The following NBAS variants were observed in gnomAD, a reference collection of about 807,000 sequenced individuals.
The protein encoded by NBAS is NBAS subunit of NRZ tethering complex, also known as NAG/BC035112 fusion.
A neutral mutation model predicts 302.5 loss-of-function variants in NBAS; 219 were observed. The observed-to-expected ratio is 0.72, with a 90% CI of 0.65 to 0.81. The LOEUF is 0.81. Among genes scored for constraint, NBAS ranks in the 30% least tolerant of loss-of-function variants. The pLI, the probability that NBAS is intolerant of heterozygous loss-of-function variation, is 0.00. For synonymous variants in NBAS, 1,118 were observed against 1,021.6 expected (o/e 1.09, Z -1.80); for missense variants, 2,932 against 2,841.6 (o/e 1.03, Z -0.72).
intron 51 of NBAS, chr2:15,177,996 T>C: frequency 5.7e-6 from 2 of 349,236 alleles, no homozygotes; most frequent in East Asian, 7.4e-5. Flanking sequence ...AATACAATTA[T>C]ATTCTGCTTT....
chr2:15,460,626 C>T (rs1210833515), intron 21 of NBAS, among the ~76,000 whole-genome samples: 2 of 152,232 alleles, frequency 1.3e-5, no homozygotes, highest in Non-Finnish European at 2.9e-5. Flanking sequence ...TGGAAGACTA[C>T]CAGGTGGTAA....
chr2:15,263,924 G>A (rs1668959755), intron 44 of NBAS, among the ~76,000 whole-genome samples: 1 of 152,224 alleles, frequency 6.6e-6, no homozygotes, highest in African/African-American at 2.4e-5. Flanking sequence ...TGAAGCAGTA[G>A]GCACTAGCAG....
At chr2:15,413,977 T>G (rs926688114) in intron 25 of NBAS, among the ~76,000 whole-genome samples, 3 of 152,148 alleles carry the variant, frequency 2.0e-5, no homozygotes, top group African/African-American at 7.2e-5. Flanking sequence ...TTTACGGAAG[T>G]ATAACACACA....
intron 21 of NBAS, among the ~76,000 whole-genome samples, chr2:15,452,732 C>A (rs1679081689): frequency 6.6e-6 from 1 of 152,098 alleles, no homozygotes; most frequent in African/African-American, 2.4e-5. Context: ...TAGAAGAACA[C>A]AACTAGAATT....
At chr2:15,209,194 C>T (rs1175029884) in intron 48 of NBAS, among the ~76,000 whole-genome samples, 4 of 152,080 alleles carry the variant, frequency 2.6e-5, no homozygotes, top group African/African-American at 9.7e-5. Flanking sequence ...GTTGGAAAAT[C>T]TAGAGGAAAT....
At chr2:15,512,573 C>T (rs944866634) in intron 9 of NBAS, among the ~76,000 whole-genome samples, 14 of 151,982 alleles carry the variant, frequency 9.2e-5, no homozygotes, top group Non-Finnish European at 1.6e-4. Context: ...CAGGTGGCCC[C>T]GAAGTAATCA....
At chr2:15,213,948 T>C (rs891081138) in intron 48 of NBAS, among the ~76,000 whole-genome samples, 1 of 152,204 alleles carries the variant, frequency 6.6e-6, no homozygotes, top group Non-Finnish European at 1.5e-5. Flanking sequence ...AAACATGCTG[T>C]GACATGAGAA....
the NBAS span, among the ~76,000 whole-genome samples, chr2:14,896,753 C>G: frequency 1.0e-3 from 154 of 152,250 alleles, no homozygotes; most frequent in African/African-American, 3.5e-3. Flanking sequence ...GTCTGCAGGC[C>G]ATTGCAAAGA....
At chr2:14,963,517 A>C in the NBAS span, among the ~76,000 whole-genome samples, 5 of 152,164 alleles carry the variant, frequency 3.3e-5, no homozygotes, top group African/African-American at 1.2e-4. Flanking sequence ...TTCTTTCAAC[A>C]AAAAGGAAAG....
the NBAS span, among the ~76,000 whole-genome samples, chr2:14,844,502 T>C: frequency 6.6e-6 from 1 of 152,284 alleles, no homozygotes; most frequent in East Asian, 1.9e-4. Context: ...GAGATATCCT[T>C]GTATGTGAGA....
chr2:15,433,343 A>G (rs931424867), intron 21 of NBAS, among the ~76,000 whole-genome samples: 1 of 152,216 alleles, frequency 6.6e-6, no homozygotes, highest in Non-Finnish European at 1.5e-5. Context: ...AAATCAGATT[A>G]GTTAGTACAT....
At chr2:15,561,080 A>G in intron 1 of NBAS, 108 bp downstream of exon 1, 1 of 839,764 alleles carries the variant, frequency 1.2e-6, no homozygotes, top group Non-Finnish European at 1.9e-6. Context: ...AACCGGCCCT[A>G]GTCCCCCACC....
At chr2:15,159,308 CT>C in the NBAS span, among the ~76,000 whole-genome samples, 1 of 152,168 alleles carries the variant, frequency 6.6e-6, no homozygotes. Context: ...AATGTTACCC[CT>C]GGGAGAGCTT....
At chr2:15,189,667 G>A (rs1363100360) in intron 49 of NBAS, among the ~76,000 whole-genome samples, 3 of 152,112 alleles carry the variant, frequency 2.0e-5, no homozygotes, top group Non-Finnish European at 4.4e-5. Context: ...ACGCAGCTAC[G>A]GGTGGCAGCT....
intron 11 of NBAS, among the ~76,000 whole-genome samples, chr2:15,498,681 T>C (rs1405516229): frequency 6.6e-6 from 1 of 152,170 alleles, no homozygotes; most frequent in East Asian, 1.9e-4. Flanking sequence ...TTCCCTTTGC[T>C]GTTCTCATGA....
the NBAS span, among the ~76,000 whole-genome samples, chr2:14,931,139 G>A: frequency 6.6e-6 from 1 of 152,210 alleles, no homozygotes; most frequent in African/African-American, 2.4e-5. Flanking sequence ...ACCAGATTTT[G>A]AGCATTGATA....
At chr2:15,353,149 A>G (rs1673448158) in intron 34 of NBAS, among the ~76,000 whole-genome samples, 7 of 152,134 alleles carry the variant, frequency 4.6e-5, no homozygotes, top group Admixed American at 4.6e-4. Flanking sequence ...CATCCCCCCC[A>G]ACCAAAGCCC....
chr2:15,426,510 T>A (rs1677485602), intron 22 of NBAS, among the ~76,000 whole-genome samples: 1 of 152,198 alleles, frequency 6.6e-6, no homozygotes, highest in African/African-American at 2.4e-5. Context: ...CTATGTATTT[T>A]TAACCTATTT....
the NBAS span, among the ~76,000 whole-genome samples, chr2:14,924,955 G>A: frequency 1.3e-5 from 2 of 152,042 alleles, no homozygotes; most frequent in Non-Finnish European, 2.9e-5. Context: ...TTATTCTCTG[G>A]CACCTGACAG....
Sources: allele counts gnomAD v4.1 joint callset (sites outside exome capture counted in the v4.1 genomes callset), GRCh38; gene constraint gnomAD v4.1.1; transcripts MANE v1.5; gene names NCBI Gene and HGNC (gene_info 2026-07-23, HGNC 2026-07-21).